SGCD: variants seen among roughly 807,000 people sequenced by gnomAD.
SGCD encodes the protein delta-sarcoglycan.
Under a neutral mutation model 36.6 loss-of-function variants are expected in SGCD, and 18 were observed. The observed-to-expected ratio is 0.49, with a 90% confidence interval of 0.34 to 0.73. The LOEUF (loss-of-function observed/expected upper bound fraction) is 0.73, where lower values mean the gene tolerates loss of function less well. SGCD is among the 30% of genes least tolerant of loss of function. The probability of loss-of-function intolerance (pLI) is 0.01; values close to 1 mark genes in which losing one functional copy is unlikely to be tolerated. For missense variants in SGCD, 387 were observed against 346.7 expected, an observed-to-expected ratio of 1.12 and a Z score of -0.92; for synonymous variants, 133 against 130.6, an observed-to-expected ratio of 1.02 and a Z score of -0.12.
intron 1 of SGCD, among the ~76,000 whole-genome samples, chr5:155,973,112 A>G (rs76835960): frequency 0.017 from 2,650 of 152,220 alleles, 72 homozygotes; most frequent in African/African-American, 0.059. Flanking sequence ...GAATGTCCGA[A>G]AAAGTCTGAT....
intron 7 of SGCD, among the ~76,000 whole-genome samples, chr5:156,682,550 A>C (rs1167294036): frequency 6.6e-6 from 1 of 152,246 alleles, no homozygotes; most frequent in East Asian, 1.9e-4. Context: ...GCTTCTGCCG[A>C]AAAGGCAGTA....
rs1757555528 is a variant in SGCD at position 156,764,634 on chromosome 5, T to C, written c.*5244T>C. On this transcript the variant is annotated 3_prime_UTR_variant, in exon 9 of 9. Transcript: ENST00000337851. ...TTTTGGGGCAACTCATGCTCACACA[T>C]GCTGTTTTCTTTGGTTCTCCCCCTA... The C allele has an allele frequency of 6.6e-6, 1 of 152,472 alleles. No individual in the cohort carries two copies. Among genetic ancestry groups the C allele is most frequent in the African/African-American group, 2.4e-5 (1 of 41,452 alleles). The allele number at this position is 152,472 out of a possible 1,614,324, so 9.4% of individuals were successfully genotyped here. A position where few individuals can be genotyped will look rare whatever the true frequency, so the allele number is the denominator to read the frequency against.
At chr5:155,744,885 A>T in the SGCD span, among the ~76,000 whole-genome samples, 1 of 152,222 alleles carries the variant, frequency 6.6e-6, no homozygotes, top group Non-Finnish European at 1.5e-5. Context: ...CAAATATAGG[A>T]AGTTCAAATA....
intron 3 of SGCD, among the ~76,000 whole-genome samples, chr5:156,415,778 T>C (rs1772998080): frequency 2.6e-5 from 4 of 152,176 alleles, no homozygotes; most frequent in South Asian, 4.1e-4. Flanking sequence ...AACATTTCCA[T>C]ATAAGTGAAT....
At chr5:156,403,871 G>A (rs1476040130) in intron 3 of SGCD, among the ~76,000 whole-genome samples, 1 of 150,066 alleles carries the variant, frequency 6.7e-6, no homozygotes, top group East Asian at 2.0e-4. Context: ...GGCTCACTAT[G>A]TCACCCATGC....
At position 156,142,580 on chromosome 5, in the gene SGCD, T is replaced by C. The variant is rs937923319; in HGVS notation, c.-44+18561T>C. Among the ~76,000 whole-genome samples, 3 of 152,156 alleles carry C rather than the reference T, an allele frequency of 2.0e-5. No individual in the cohort carries two copies. The East Asian group carries it at 5.8e-4, about 29-fold the overall frequency. Reference sequence around the variant, plus strand: ...AAGTCCAGGCTGAGGAGGTCTCAGATAGAAATGAGGAACTTTTGGAAACCA... The same window carrying C: ...AAGTCCAGGCTGAGGAGGTCTCAGACAGAAATGAGGAACTTTTGGAAACCA... On this transcript the variant is annotated intron_variant, in intron 3 of 9. Transcript: ENST00000517913.
At chr5:156,540,769 C>T (rs955472802) in intron 4 of SGCD, among the ~76,000 whole-genome samples, 1 of 152,152 alleles carries the variant, frequency 6.6e-6, no homozygotes, top group Non-Finnish European at 1.5e-5. Flanking sequence ...AATTGCCTTG[C>T]CATCAACACA....
rs527907319 is a variant in SGCD at position 156,129,864 on chromosome 5, C to G, written c.-44+5845C>G. On this transcript the variant is annotated intron_variant, in intron 3 of 9. Transcript: ENST00000517913. ...CATAGGATTCCATGGTGTATATATA[C>G]AACATTTTCTTTATCCAATCTGCCA... is the stretch of plus-strand genomic sequence containing the variant. Among the ~76,000 whole-genome samples the G allele has an allele frequency of 4.8e-4, 73 of 152,214 alleles. 3 individuals are homozygous for G. The South Asian group carries it at 0.013, about 28-fold the overall frequency.
intron 3 of SGCD, among the ~76,000 whole-genome samples, chr5:156,355,761 T>C (rs1274795461): frequency 1.3e-5 from 2 of 152,192 alleles, no homozygotes; most frequent in Admixed American, 1.3e-4. Context: ...CTCAGCCTCC[T>C]GAGTAGCTGG....
At chr5:156,070,639 G>T (rs939532987) in intron 1 of SGCD, among the ~76,000 whole-genome samples, 2 of 152,078 alleles carry the variant, frequency 1.3e-5, no homozygotes, top group African/African-American at 4.8e-5. Context: ...GATGATGCTG[G>T]CCTCATAAAA....
chr5:156,435,983 G>T (rs1314418733), intron 3 of SGCD, among the ~76,000 whole-genome samples: 6 of 152,130 alleles, frequency 3.9e-5, no homozygotes, highest in Non-Finnish European at 8.8e-5. Flanking sequence ...TTTCCTCCAA[G>T]TAGCTCTCCC....
At chr5:156,350,509 A>G (rs76012524) in intron 3 of SGCD, among the ~76,000 whole-genome samples, 29,054 of 152,008 alleles carry the variant, frequency 0.19, 3,010 homozygotes, top group Middle Eastern at 0.26. Flanking sequence ...CCAAGGATAC[A>G]TGCTGGAAGA....
chr5:155,765,306 AAAAG>A, the SGCD span, among the ~76,000 whole-genome samples: 1 of 150,900 alleles, frequency 6.6e-6, no homozygotes, highest in African/African-American at 2.4e-5. Flanking sequence ...GAAAGAAAGA[AAAAG>A]GAAGGAAGGA....
intron 4 of SGCD, among the ~76,000 whole-genome samples, chr5:156,543,112 G>T (rs911751526): frequency 3.9e-5 from 6 of 152,172 alleles, no homozygotes; most frequent in African/African-American, 1.4e-4. Flanking sequence ...AGCTTGGCTG[G>T]TTTCATCTAA....
At chr5:156,191,151 G>T (rs1411139256) in intron 3 of SGCD, among the ~76,000 whole-genome samples, 1 of 152,010 alleles carries the variant, frequency 6.6e-6, no homozygotes, top group East Asian at 1.9e-4. Context: ...TGATATCCAG[G>T]ATGATAACTC....
the SGCD span, among the ~76,000 whole-genome samples, chr5:155,861,453 A>G: frequency 6.6e-6 from 1 of 151,882 alleles, no homozygotes; most frequent in Non-Finnish European, 1.5e-5. Context: ...CTGTAATCCC[A>G]GTACTTTGGG....
At chr5:156,567,387 TAG>T (rs1759536343) in intron 4 of SGCD, among the ~76,000 whole-genome samples, 1 of 124,612 alleles carries the variant, frequency 8.0e-6, no homozygotes, top group Non-Finnish European at 1.9e-5. Flanking sequence ...AATAGATAGA[TAG>T]ATAGATAGAT....
intron 1 of SGCD, among the ~76,000 whole-genome samples, chr5:155,995,852 A>G (rs577909747): frequency 6.6e-6 from 1 of 152,268 alleles, no homozygotes; most frequent in South Asian, 2.1e-4. Flanking sequence ...TTGCCTGGAA[A>G]ATAACCTGAG....
chr5:156,101,919 T>TGTGTGTGG, intron 1 of SGCD, among the ~76,000 whole-genome samples: 1 of 149,720 alleles, frequency 6.7e-6, no homozygotes, highest in South Asian at 2.1e-4. Context: ...TGTGTGTGTG[T>TGTGTGTGG]GTGTGTGTGT....
Sources: gnomAD v4.1 joint callset for allele counts (sites outside exome capture counted in the v4.1 genomes callset) on GRCh38, gnomAD v4.1.1 for gene constraint, MANE v1.5 for transcripts, NCBI Gene and HGNC (gene_info 2026-07-23, HGNC 2026-07-21) for gene names.